The following PCBP3 variants were observed in gnomAD, a reference collection of about 807,000 sequenced individuals.
PCBP3 encodes the protein poly(rC) binding protein 3.
Under a neutral mutation model 52.7 loss-of-function variants are expected in PCBP3, and 25 were observed. The observed-to-expected ratio is 0.47, with a 90% CI of 0.35 to 0.66. The LOEUF (loss-of-function observed/expected upper bound fraction) is 0.66, where lower values mean the gene tolerates loss of function less well. Among genes scored for constraint, PCBP3 ranks in the 30% least tolerant of loss-of-function variants. The probability of loss-of-function intolerance (pLI) is 0.01; values close to 1 mark genes in which losing one functional copy is unlikely to be tolerated. For missense variants in PCBP3, 391 were observed against 490.3 expected (o/e 0.80, Z 1.91); for synonymous variants, 162 against 183.0 (o/e 0.89, Z 0.93).
chr21:45,705,997 C>T (rs2083426126), intron 2 of PCBP3, among the ~76,000 whole-genome samples: 1 of 152,194 alleles, frequency 6.6e-6, no homozygotes, highest in Admixed American at 6.5e-5. Flanking sequence ...TTGAAGAGGA[C>T]CCTCCATCTT....
chr21:45,848,812 G>C (rs774825088), intron 4 of PCBP3, among the ~76,000 whole-genome samples: 3 of 152,118 alleles, frequency 2.0e-5, no homozygotes, highest in Non-Finnish European at 4.4e-5. Flanking sequence ...CCCACACCCC[G>C]TTTTCCTCTC....
rs1377580760 is a variant in PCBP3, at chr21:45,736,250, G to T, written c.-162+821G>T. 6.6e-6 allele frequency among the ~76,000 whole-genome samples: 1 copy of T among 152,186 alleles called. No homozygotes were observed. The highest frequency in any genetic ancestry group is 2.4e-5 in the African/African-American group (1 of 41,434). Reference sequence around the variant, plus strand: ...GAGATAGGGATTGTTATTCCCTGAGGCTTGGCGAGGTGAAGTAACTCACTC... The same window carrying T: ...GAGATAGGGATTGTTATTCCCTGAGTCTTGGCGAGGTGAAGTAACTCACTC... On this transcript the variant is annotated intron_variant, in intron 3 of 17. Coordinates refer to ENST00000681687, the MANE Select transcript of PCBP3 (RefSeq NM_001384156.1). This position sits in a 1 kb window ranked among gnomAD's most constrained non-coding sequence, Gnocchi z 4.6.
chr21:45,930,929 C>G, intron 15 of PCBP3, 84 bp downstream of exon 15: 1 of 1,574,700 alleles, frequency 6.4e-7, no homozygotes. Flanking sequence ...GGCCCTGCCG[C>G]TGCAGCAGTT....
rs200083966 is a variant in PCBP3 at position 45,901,756 on chromosome 21, CAG to C, written c.339+647_339+648del. 6.7e-3 allele frequency among the ~76,000 whole-genome samples: 714 copies of C among 107,282 alleles called. 7 individuals are homozygous for C. The highest frequency in any genetic ancestry group is 0.028 in the African/African-American group (657 of 23,058). 70.4% of individuals were successfully genotyped at this position (107,282 alleles called of 152,430 possible). Reference sequence around the variant, plus strand: ...AGAGAGAGACAGAAAGAGAGAGAGACAGAGACAGAGAGAGAGCGAGGGGGAGA... The same window carrying C: ...AGAGAGAGACAGAAAGAGAGAGAGACAGACAGAGAGAGAGCGAGGGGGAGA... On this transcript the variant is annotated intron_variant, in intron 9 of 17. Transcript: ENST00000681687.
rs1023801090 is a variant in PCBP3 at position 45,736,677 on chromosome 21, A to G, written c.-162+1248A>G. On this transcript the variant is annotated intron_variant, in intron 3 of 17. Coordinates refer to ENST00000681687, the MANE Select transcript of PCBP3 (RefSeq NM_001384156.1). This position sits in a 1 kb window ranked among gnomAD's most constrained non-coding sequence, Gnocchi z 4.6. ...AGGCTTGCAGGTGACTGGAATCCTG[A>G]CTAATATCATAAGAGGAGAGTTCTT... 2.0e-5 allele frequency among the ~76,000 whole-genome samples: 3 copies of G among 152,140 alleles called. No homozygotes were observed. Among genetic ancestry groups the G allele is most frequent in the African/African-American group, 7.2e-5 (3 of 41,428 alleles).
At chr21:45,746,921 C>T (rs1216267506) in intron 3 of PCBP3, among the ~76,000 whole-genome samples, 1 of 107,150 alleles carries the variant, frequency 9.3e-6, no homozygotes, top group East Asian at 2.3e-4. Context: ...GTGTCAGCAT[C>T]GCCGTGTCAG....
chr21:45,841,862 C>G (rs1219201486), intron 4 of PCBP3, among the ~76,000 whole-genome samples: 1 of 152,190 alleles, frequency 6.6e-6, no homozygotes, highest in Non-Finnish European at 1.5e-5. Context: ...ACTTCTGTCT[C>G]TAGAAATCAC....
intron 5 of PCBP3, among the ~76,000 whole-genome samples, chr21:45,875,052 A>T (rs2095200067): frequency 6.6e-6 from 1 of 152,246 alleles, no homozygotes; most frequent in Non-Finnish European, 1.5e-5. Context: ...AAAGCCAGTC[A>T]CTGAGCCCGA....
At chr21:45,734,648 C>T (rs1425468117) in intron 2 of PCBP3, among the ~76,000 whole-genome samples, 1 of 152,234 alleles carries the variant, frequency 6.6e-6, no homozygotes, top group East Asian at 1.9e-4. Flanking sequence ...GGCCCAGGCA[C>T]TCTCCCCAGG....
intron 4 of PCBP3, among the ~76,000 whole-genome samples, chr21:45,815,539 GTAGTGAGTGA>G (rs1205448906): frequency 3.2e-5 from 1 of 31,044 alleles, no homozygotes. Context: ...TGAGTGGTGA[GTAGTGAGTGA>G]TGAGTGGTGA....
chr21:45,754,804 A>G (rs1477817342), intron 3 of PCBP3, among the ~76,000 whole-genome samples: 1 of 152,222 alleles, frequency 6.6e-6, no homozygotes, highest in Non-Finnish European at 1.5e-5. Context: ...TTGAGAAGCC[A>G]TCTTTCAATT....
In PCBP3 at chr21:45,827,572, G is replaced by T. The variant is rs573597377; in HGVS notation, c.-125-22389G>T. Among the ~76,000 whole-genome samples the T allele has an allele frequency of 7.6e-4, 115 of 152,300 alleles. 1 individual carries two copies. Among genetic ancestry groups the T allele is most frequent in the African/African-American group, 2.6e-3 (110 of 41,576 alleles). On this transcript the variant is annotated intron_variant, in intron 4 of 17. Transcript: ENST00000681687. This position sits in a 1 kb window ranked among gnomAD's most constrained non-coding sequence, Gnocchi z 4.3. ...AGGAAGTGGAAAGTCTCAGCCAAGC[G>T]AAGACGGAGGGCCAACCAAGTCGAG...
intron 15 of PCBP3, among the ~76,000 whole-genome samples, chr21:45,933,078 C>T (rs1050567287): frequency 1.3e-4 from 19 of 147,196 alleles, no homozygotes; most frequent in Non-Finnish European, 9.0e-5. Flanking sequence ...TCGGCCACGC[C>T]GTCTTGAGAT....
chr21:45,813,056 T>A (rs574590062), intron 4 of PCBP3, among the ~76,000 whole-genome samples: 1 of 152,252 alleles, frequency 6.6e-6, no homozygotes, highest in South Asian at 2.1e-4. Context: ...ATATGTGTGA[T>A]TGACACTAGC....
intron 3 of PCBP3, among the ~76,000 whole-genome samples, chr21:45,752,335 C>A (rs2087595043): frequency 6.6e-6 from 1 of 151,066 alleles, no homozygotes. Flanking sequence ...GTTTTTATTT[C>A]TTCCTTTTTT....
Position 45,647,585 on chromosome 21 carries a change from A to G in PCBP3, c.-279+3717A>G, listed in dbSNP as rs76213127. 9.2e-5 allele frequency among the ~76,000 whole-genome samples: 14 copies of G among 152,292 alleles called. No homozygotes were observed. In the East Asian group the frequency reaches 1.9e-3, roughly 21 times the overall value. On this transcript the variant is annotated intron_variant, in intron 1 of 17. Transcript: ENST00000681687. ...ATAATTGGGCATGGATTGGGTATAC[A>G]TTTATTAGAAAAAGACTGGAAGGTT...
At chr21:45,812,507 G>T (rs532457981) in intron 4 of PCBP3, among the ~76,000 whole-genome samples, 60 of 152,272 alleles carry the variant, frequency 3.9e-4, no homozygotes, top group Non-Finnish European at 6.9e-4. Flanking sequence ...CCGAGTTCAA[G>T]CGATTCTCCT....
chr21:45,709,154 A>G (rs1202491238), intron 2 of PCBP3, among the ~76,000 whole-genome samples: 1 of 152,242 alleles, frequency 6.6e-6, no homozygotes, highest in Non-Finnish European at 1.5e-5. Context: ...GGCATGCTGT[A>G]AGTTCTCAGC....
chr21:45,842,411 C>T (rs576968443), intron 4 of PCBP3, among the ~76,000 whole-genome samples: 1 of 152,046 alleles, frequency 6.6e-6, no homozygotes, highest in Non-Finnish European at 1.5e-5. Flanking sequence ...TTTGTTTGTT[C>T]GTTCTCCATA....
Sources: allele counts gnomAD v4.1 joint callset (sites outside exome capture counted in the v4.1 genomes callset), GRCh38; gene constraint gnomAD v4.1.1; non-coding constraint Gnocchi (gnomAD v3.1); transcripts MANE v1.5; gene names NCBI Gene and HGNC (gene_info 2026-07-23, HGNC 2026-07-21).